ARHGAP40: variants seen among roughly 807,000 people sequenced by gnomAD.
ARHGAP40 encodes the protein Rho GTPase activating protein 40.
Under a neutral mutation model 73.5 loss-of-function variants are expected in ARHGAP40, and 43 were observed. The ratio of observed to expected loss-of-function variants is 0.58; its 90% CI spans 0.46 to 0.75. The LOEUF is 0.75. Among genes scored for constraint, ARHGAP40 ranks in the 30% least tolerant of loss-of-function variants. The probability of loss-of-function intolerance (pLI) is 0.00; values close to 1 mark genes in which losing one functional copy is unlikely to be tolerated. For missense variants in ARHGAP40, 734 were observed against 861.8 expected (o/e 0.85, Z 1.86); for synonymous variants, 300 against 352.8 (o/e 0.85, Z 1.68).
intron 6 of ARHGAP40, 58 bp downstream of exon 6, chr20:38,634,843 C>T: frequency 3.3e-6 from 4 of 1,198,592 alleles, no homozygotes; most frequent in Non-Finnish European, 4.3e-6. Context: ...GGGAGCTGAA[C>T]ACGGACTCTC....
chr20:38,618,257 G>C (rs536100230), intron 1 of ARHGAP40, among the ~76,000 whole-genome samples: 6 of 152,052 alleles, frequency 3.9e-5, no homozygotes, highest in African/African-American at 1.4e-4. Context: ...CCGCCACCAC[G>C]CCCATTAATT....
chr20:38,603,498 C>T (rs2088752115), intron 1 of ARHGAP40, among the ~76,000 whole-genome samples: 1 of 151,680 alleles, frequency 6.6e-6, no homozygotes, highest in Non-Finnish European at 1.5e-5. Flanking sequence ...TCTATCTATT[C>T]TGTATCTAAT....
At position 38,634,567 on chromosome 20, in the gene ARHGAP40, C is replaced by G. The variant is rs973191870; in HGVS notation, c.784-53C>G. 4.6e-6 allele frequency: 6 copies of G among 1,291,014 alleles called. No homozygotes were observed. The Admixed American group carries it at 6.9e-5, about 15-fold the overall frequency. The allele number at this position is 1,291,014 out of a possible 1,614,324, so 80.0% of individuals were successfully genotyped here. On this transcript the variant is annotated intron_variant, in intron 5 of 14. Coordinates refer to ENST00000373345, the Ensembl canonical transcript of ARHGAP40. ...GGGGAGAAGGGGGAGCCCCAAAATA[C>G]ACATCAGACTCATAGCCTGACAAAT... is the stretch of plus-strand genomic sequence containing the variant.
chr20:38,604,936 C>T (rs998628514), intron 1 of ARHGAP40, among the ~76,000 whole-genome samples: 1 of 151,048 alleles, frequency 6.6e-6, no homozygotes, highest in Non-Finnish European at 1.5e-5. Context: ...CATTCCACTG[C>T]CAAAGAAAAA....
At chr20:38,614,412 T>C (rs541221527) in intron 1 of ARHGAP40, among the ~76,000 whole-genome samples, 1 of 152,272 alleles carries the variant, frequency 6.6e-6, no homozygotes, top group South Asian at 2.1e-4. Context: ...GCTTAGAGCA[T>C]AAGCACTGGT....
intron 14 of ARHGAP40, among the ~76,000 whole-genome samples, chr20:38,649,274 G>T (rs2089072803): frequency 1.3e-5 from 2 of 152,206 alleles, no homozygotes; most frequent in Non-Finnish European, 2.9e-5. Context: ...CTGGTCGGGG[G>T]GCCACACTTT....
At chr20:38,603,584 ATCTC>A (rs138223651) in intron 1 of ARHGAP40, among the ~76,000 whole-genome samples, 30,549 of 151,448 alleles carry the variant, frequency 0.2, 4,658 homozygotes, top group African/African-American at 0.43. Flanking sequence ...CTTATCTATC[ATCTC>A]TCTCTCTGTC....
At chr20:38,624,192 C>T (rs901821729) in intron 2 of ARHGAP40, among the ~76,000 whole-genome samples, 4 of 152,030 alleles carry the variant, frequency 2.6e-5, no homozygotes, top group African/African-American at 9.7e-5. Context: ...CATCTATGTG[C>T]CTGGTGGTGG....
intron 6 of ARHGAP40, among the ~76,000 whole-genome samples, 166 bp downstream of exon 6, chr20:38,634,951 G>A (rs548790220): frequency 1.7e-4 from 25 of 150,336 alleles, no homozygotes; most frequent in African/African-American, 5.4e-4. Context: ...ATGTGATCTC[G>A]GCTCACTGCA....
chr20:38,606,371 C>T (rs1309289887), intron 1 of ARHGAP40, among the ~76,000 whole-genome samples: 3 of 152,170 alleles, frequency 2.0e-5, no homozygotes, highest in Admixed American at 6.5e-5. Flanking sequence ...AAGGTGTATA[C>T]ATTTAAAATT....
chr20:38,620,964 G>A (rs573163029), intron 1 of ARHGAP40, among the ~76,000 whole-genome samples: 2 of 152,306 alleles, frequency 1.3e-5, no homozygotes, highest in South Asian at 4.1e-4. Context: ...TTCAAACATT[G>A]TTAAGAATTT....
chr20:38,634,445 C>T (rs1052198103), intron 5 of ARHGAP40, among the ~76,000 whole-genome samples, 175 bp from the exon 6 acceptor site: 4 of 152,180 alleles, frequency 2.6e-5, no homozygotes, highest in Non-Finnish European at 2.9e-5. Flanking sequence ...AATGTCACTC[C>T]GTTTGCAAGA....
intron 1 of ARHGAP40, among the ~76,000 whole-genome samples, chr20:38,618,249 G>T (rs547319593): frequency 2.6e-5 from 4 of 151,932 alleles, no homozygotes; most frequent in African/African-American, 7.3e-5. Context: ...CCAGGCGCCC[G>T]CCACCACGCC....
intron 10 of ARHGAP40, 120 bp downstream of exon 10, chr20:38,641,928 A>G: frequency 2.7e-6 from 2 of 742,000 alleles, no homozygotes; most frequent in South Asian, 2.0e-5. Context: ...GCTAGGGTTC[A>G]GTGATGACCC....
In ARHGAP40 at chr20:38,646,826, G is replaced by A; in HGVS notation, c.1711-131G>A. 1 of 761,388 alleles carries A rather than the reference G, an allele frequency of 1.3e-6. No individual in the cohort carries two copies. Among genetic ancestry groups the A allele is most frequent in the African/African-American group, 1.8e-5 (1 of 54,394 alleles). 47.2% of individuals were successfully genotyped at this position (761,388 alleles called of 1,614,324 possible). A position where few individuals can be genotyped will look rare whatever the true frequency, so the allele number is the denominator to read the frequency against. On this transcript the variant is annotated intron_variant, in intron 12 of 14. Coordinates refer to ENST00000373345, the Ensembl canonical transcript of ARHGAP40. This position sits in a 1 kb window ranked among gnomAD's most constrained non-coding sequence, Gnocchi z 4.5. ...CTGTGCCCAAGTGTCCGGTATGCGTGTGTGTGTATCTTGTGATTTTCAGCG... is the reference window on the plus strand; with the variant it reads ...CTGTGCCCAAGTGTCCGGTATGCGTATGTGTGTATCTTGTGATTTTCAGCG...
chr20:38,634,620 A>G, exon 6 of ARHGAP40: 1 of 1,305,380 alleles, frequency 7.7e-7, no homozygotes, highest in Non-Finnish European at 1.0e-6. Flanking sequence ...CTATTAATAG[A>G]AGTTTACCGT....
intron 1 of ARHGAP40, among the ~76,000 whole-genome samples, chr20:38,609,703 A>T (rs1483960347): frequency 1.3e-5 from 2 of 152,186 alleles, no homozygotes. Context: ...AAGGATGGGA[A>T]GGAGAAGGGT....
At chr20:38,642,395 C>T (rs1312434506) in intron 10 of ARHGAP40, among the ~76,000 whole-genome samples, 1 of 152,232 alleles carries the variant, frequency 6.6e-6, no homozygotes, top group Non-Finnish European at 1.5e-5. Context: ...CAGGATCAGC[C>T]TGAGGAGGCC....
rs1186705538 is a variant in ARHGAP40, at chr20:38,646,391, G to A, written c.1710+204G>A. Among the ~76,000 whole-genome samples the A allele has an allele frequency of 1.3e-5, 2 of 152,234 alleles. No homozygotes were observed. The highest frequency in any genetic ancestry group is 2.9e-5 in the Non-Finnish European group (2 of 68,046). ...AGGGCTTAGAAGCGGGTTGGGGAGG[G>A]GAAATGGAGTGACTCGGAGACTTCC... On this transcript the variant is annotated intron_variant, in intron 12 of 14. Coordinates refer to ENST00000373345, the Ensembl canonical transcript of ARHGAP40. This position sits in a 1 kb window ranked among gnomAD's most constrained non-coding sequence, Gnocchi z 4.5.
Sources: allele counts gnomAD v4.1 joint callset (sites outside exome capture counted in the v4.1 genomes callset), GRCh38; gene constraint gnomAD v4.1.1; non-coding constraint Gnocchi (gnomAD v3.1); transcripts MANE v1.5; gene names NCBI Gene and HGNC (gene_info 2026-07-23, HGNC 2026-07-21).